DAP3: variants seen among roughly 807,000 people sequenced by gnomAD.
The protein encoded by DAP3 is small ribosomal subunit protein mS29.
A neutral mutation model predicts 51.9 loss-of-function variants in DAP3; 28 were observed. The ratio of observed to expected loss-of-function variants is 0.54; its 90% CI spans 0.40 to 0.74. The LOEUF (loss-of-function observed/expected upper bound fraction) is 0.74. Among genes scored for constraint, DAP3 ranks in the 30% least tolerant of loss-of-function variants. The pLI is 0.00. For synonymous variants in DAP3, 170 were observed against 170.3 expected (o/e 1.00, Z 0.01); for missense variants, 458 against 483.5 (o/e 0.95, Z 0.49).
At chr1:155,694,089 CTG>C (rs1405166791) in intron 1 of DAP3, among the ~76,000 whole-genome samples, 4 of 141,994 alleles carry the variant, frequency 2.8e-5, no homozygotes, top group East Asian at 1.9e-4. Context: ...GAACTGAACT[CTG>C]TGGATGATCC....
At chr1:155,734,231 A>G (rs1002267213) in intron 11 of DAP3, among the ~76,000 whole-genome samples, 6 of 152,114 alleles carry the variant, frequency 3.9e-5, no homozygotes, top group African/African-American at 1.4e-4. Flanking sequence ...TTTTGGAGAT[A>G]GGGTCTCACT....
chr1:155,719,589 C>T (rs1464083146), intron 3 of DAP3, among the ~76,000 whole-genome samples: 1 of 151,422 alleles, frequency 6.6e-6, no homozygotes, highest in African/African-American at 2.4e-5. Flanking sequence ...TGCTCTGTCA[C>T]CCAGGCTGGA....
chr1:155,725,844 C>CA (rs1015484502), intron 5 of DAP3, 83 bp from the exon 6 acceptor site: 7 of 1,378,952 alleles, frequency 5.1e-6, no homozygotes, highest in Non-Finnish European at 6.1e-6. Context: ...AACCCCATCT[C>CA]AAAAAAACAA....
At chr1:155,730,076 A>G (rs1254021101) in intron 9 of DAP3, among the ~76,000 whole-genome samples, 1 of 147,530 alleles carries the variant, frequency 6.8e-6, no homozygotes, top group Non-Finnish European at 1.5e-5. Flanking sequence ...ATACACACAT[A>G]TATATTCATA....
At chr1:155,710,861 T>C (rs1656610364) in intron 2 of DAP3, among the ~76,000 whole-genome samples, 2 of 151,948 alleles carry the variant, frequency 1.3e-5, no homozygotes, top group South Asian at 2.1e-4. Context: ...AAGCTTACAG[T>C]CCAGTAGAAT....
chr1:155,721,566 A>T lies in DAP3; in HGVS notation c.218A>T (p.Gln73Leu), dbSNP rs1465445158. 2 of 1,613,924 alleles carry T rather than the reference A, an allele frequency of 1.2e-6. No individual in the cohort carries two copies. Among genetic ancestry groups the T allele is most frequent in the Admixed American group, 3.3e-5 (2 of 59,948 alleles). The change falls in exon 4 of 13, where the codon CAG becomes CTG. Residue 73 changes from glutamine to leucine, a missense_variant. Coordinates refer to ENST00000368336, the MANE Select transcript of DAP3 (RefSeq NM_004632.4). The part of the protein sequence containing the change: ...HEGQHYNISP[Q>L]DLETVFPHGL... ...GGTCAGCACTACAACATCTCCCCCCAGGATTTGGAGACTGTATTTCCCCAT... is the reference window on the plus strand; with the variant it reads ...GGTCAGCACTACAACATCTCCCCCCTGGATTTGGAGACTGTATTTCCCCAT...
At position 155,738,185 on chromosome 1, in the gene DAP3, G is replaced by T. The variant is rs780367912; in HGVS notation, c.1140G>T (p.Leu380=). 6.2e-7 allele frequency: 1 copy of T among 1,614,222 alleles called. No homozygotes were observed. The highest frequency in any genetic ancestry group is 8.5e-7 in the Non-Finnish European group (1 of 1,180,036). The change falls in exon 13 of 13, where the codon CTG becomes CTT. Residue 380 remains leucine (L), a synonymous_variant. Coordinates refer to ENST00000368336, the MANE Select transcript of DAP3 (RefSeq NM_004632.4). ...CTACAGAAGAAGGGAAAAAAGAGCTGCTGTTCCTAAGTAACGCGAACCCCT... is the reference window on the plus strand; with the variant it reads ...CTACAGAAGAAGGGAAAAAAGAGCTTCTGTTCCTAAGTAACGCGAACCCCT... ...KAPTEEGKKE[L]LFLSNANPSL...
At position 155,715,135 on chromosome 1, in the gene DAP3, G is replaced by A. The variant is rs1022602495; in HGVS notation, c.46-1871G>A. ...GGAGAATCACTTGAACCCAGGAGGC[G>A]GAGGTTGCAGAGAGCCAAGATTGTG... is the stretch of plus-strand genomic sequence containing the variant. On this transcript the variant is annotated intron_variant, in intron 2 of 12. Transcript: ENST00000368336. Among the ~76,000 whole-genome samples the A allele has an allele frequency of 3.3e-5, 5 of 151,114 alleles. No individual in the cohort carries two copies. In the East Asian group the frequency reaches 7.9e-4, roughly 24 times the overall value.
rs554664018 is a variant in DAP3, at chr1:155,709,754, T to G, written c.-7-19T>G. On this transcript the variant is annotated intron_variant, in intron 1 of 12. Transcript: ENST00000368336. ...CCCATTTGTGGTTTACCTTTTCACT[T>G]TTTTTTTTTTTGTAACAGTGCAAGG... is the stretch of plus-strand genomic sequence containing the variant. 1.6e-6 allele frequency: 2 copies of G among 1,227,558 alleles called. No homozygotes were observed. The highest frequency in any genetic ancestry group is 4.5e-5 in the African/African-American group (2 of 44,350). 76.0% of individuals were successfully genotyped at this position (1,227,558 alleles called of 1,614,324 possible).
rs1340171324 is a variant in DAP3 at position 155,705,602 on chromosome 1, C to CA, written c.-7-4160dup. Reference sequence around the variant, plus strand: ...TGGGCAATGGAGCGAGACCCTGTCTCAAAAAAAAAAAGAAAGAAAAAAAAA... The same window carrying CA: ...TGGGCAATGGAGCGAGACCCTGTCTCAAAAAAAAAAAAGAAAGAAAAAAAAA... On this transcript the variant is annotated intron_variant, in intron 1 of 12. Transcript: ENST00000368336. Among the ~76,000 whole-genome samples the CA allele has an allele frequency of 2.6e-3, 178 of 69,460 alleles. 1 individual carries two copies. In the East Asian group the frequency reaches 0.035, roughly 14 times the overall value. The allele number at this position is 69,460 out of a possible 152,430, so 45.6% of individuals were successfully genotyped here. A position where few individuals can be genotyped will look rare whatever the true frequency, so the allele number is the denominator to read the frequency against.
At chr1:155,709,662 A>G (rs1656447805) in intron 1 of DAP3, 111 bp from the exon 2 acceptor site, 1 of 774,852 alleles carries the variant, frequency 1.3e-6, no homozygotes, top group African/African-American at 1.8e-5. Flanking sequence ...TATATATTCT[A>G]GATATTAATA....
chr1:155,731,306 T>C, intron 9 of DAP3, 50 bp from the exon 10 acceptor site: 1 of 1,546,554 alleles, frequency 6.5e-7, no homozygotes, highest in African/African-American at 1.4e-5. Context: ...CGGGAGAACA[T>C]CTAGGAAAGG....
At chr1:155,727,498 T>C in intron 6 of DAP3, 110 bp from the exon 7 acceptor site, 2 of 1,109,780 alleles carry the variant, frequency 1.8e-6, no homozygotes, top group Non-Finnish European at 1.2e-6. Flanking sequence ...AAAAGAAATA[T>C]ATATATGAGA....
intron 1 of DAP3, among the ~76,000 whole-genome samples, chr1:155,701,726 CAG>C (rs1422347924): frequency 1.4e-5 from 2 of 147,298 alleles, no homozygotes; most frequent in Non-Finnish European, 3.0e-5. Context: ...AAACAAATGA[CAG>C]GGCTCAGGGC....
chr1:155,703,215 C>T (rs540361733), intron 1 of DAP3, among the ~76,000 whole-genome samples: 91 of 152,158 alleles, frequency 6.0e-4, no homozygotes, highest in African/African-American at 2.1e-3. Flanking sequence ...CCCAAGACTG[C>T]GTAATTTATT....
Position 155,728,988 on chromosome 1 carries a change from C to A in DAP3, c.604-54C>A, listed in dbSNP as rs547638092. The A allele has an allele frequency of 1.8e-5, 28 of 1,585,766 alleles. No individual in the cohort carries two copies. The African/African-American group carries it at 3.8e-4, about 21-fold the overall frequency. On this transcript the variant is annotated intron_variant, in intron 7 of 12. Coordinates refer to ENST00000368336, the MANE Select transcript of DAP3 (RefSeq NM_004632.4). ...CCAACCTTTTCAAGGGATGGTTTCA[C>A]CCTTAGGCCAAGTAGCCTTTTTTTT...
At chr1:155,694,316 CTAT>C (rs1654241574) in intron 1 of DAP3, among the ~76,000 whole-genome samples, 1 of 141,428 alleles carries the variant, frequency 7.1e-6, no homozygotes, top group Non-Finnish European at 1.5e-5. Context: ...CATCCAAACA[CTAT>C]TATTAACATA....
intron 1 of DAP3, among the ~76,000 whole-genome samples, chr1:155,697,374 G>A (rs1008648493): frequency 2.6e-5 from 4 of 152,186 alleles, no homozygotes; most frequent in Non-Finnish European, 4.4e-5. Flanking sequence ...AATCACCTCC[G>A]GTATCGGGGG....
At chr1:155,733,050 C>G (rs1659406800) in intron 11 of DAP3, among the ~76,000 whole-genome samples, 1 of 152,196 alleles carries the variant, frequency 6.6e-6, no homozygotes, top group Admixed American at 6.6e-5. Context: ...TGTCATGTCT[C>G]TTTGGTCTCC....
Sources: allele counts gnomAD v4.1 joint callset (sites outside exome capture counted in the v4.1 genomes callset), GRCh38; gene constraint gnomAD v4.1.1; transcripts MANE v1.5; gene names NCBI Gene and HGNC (gene_info 2026-07-23, HGNC 2026-07-21).